RPS6KA2: variants seen among roughly 807,000 people sequenced by gnomAD.
RPS6KA2 encodes ribosomal protein S6 kinase A2, also known as ribosomal protein S6 kinase alpha-2.
In RPS6KA2, 42 loss-of-function variants were observed where a neutral mutation model predicts 91.8. The ratio of observed to expected loss-of-function variants is 0.46; its 90% CI spans 0.36 to 0.59. The LOEUF (loss-of-function observed/expected upper bound fraction) is 0.59. Among genes scored for constraint, RPS6KA2 ranks in the 20% least tolerant of loss-of-function variants. The probability of loss-of-function intolerance (pLI) is 0.00; values close to 1 mark genes in which losing one functional copy is unlikely to be tolerated. For synonymous variants in RPS6KA2, 414 were observed against 393.6 expected (o/e 1.05, Z -0.61); for missense variants, 798 against 978.5 (o/e 0.82, Z 2.46).
At chr6:166,798,307 T>TACAGCTGGCCTCAAA (rs1351337030) in intron 2 of RPS6KA2, among the ~76,000 whole-genome samples, 3 of 152,200 alleles carry the variant, frequency 2.0e-5, no homozygotes, top group Non-Finnish European at 4.4e-5. Context: ...AGGGATGAGT[T>TACAGCTGGCCTCAAA]ACAGCTGGCC....
intron 2 of RPS6KA2, among the ~76,000 whole-genome samples, chr6:166,768,091 T>G (rs1292558091): frequency 6.6e-6 from 1 of 152,164 alleles, no homozygotes; most frequent in Non-Finnish European, 1.5e-5. Context: ...GATGGATCAA[T>G]GCAGCTCTAT....
rs59703753 is a variant in RPS6KA2, at chr6:166,854,329, T to G, written c.123+3871A>C. Among the ~76,000 whole-genome samples, 815 of 152,348 alleles carry G rather than the reference T, an allele frequency of 5.3e-3. 2 individuals are homozygous for G. The highest frequency in any genetic ancestry group is 0.015 in the African/African-American group (636 of 41,580). On this transcript the variant is annotated intron_variant, in intron 2 of 21. Transcript: ENST00000503859. Reference sequence around the variant, plus strand: ...CAGAACCGTAACGTGAGGAATCACATGCCTAGATATCCTATGTGAGCTATC... The same window carrying G: ...CAGAACCGTAACGTGAGGAATCACAGGCCTAGATATCCTATGTGAGCTATC...
intron 2 of RPS6KA2, among the ~76,000 whole-genome samples, chr6:166,817,310 A>C (rs1254987965): frequency 1.3e-5 from 2 of 152,144 alleles, no homozygotes; most frequent in African/African-American, 4.8e-5. Context: ...TTAGTCTGGC[A>C]ATTATGTGTA....
At chr6:166,510,127 T>C (rs1185385578) in intron 4 of RPS6KA2, 150 bp downstream of exon 4, 1 of 459,074 alleles carries the variant, frequency 2.2e-6, no homozygotes, top group Non-Finnish European at 3.9e-6. Context: ...GTGATCAGGA[T>C]AGAAGGCACC....
chr6:166,545,555 G>A (rs975429662), intron 1 of RPS6KA2, among the ~76,000 whole-genome samples: 1 of 152,152 alleles, frequency 6.6e-6, no homozygotes, highest in South Asian at 2.1e-4. Flanking sequence ...AACCAGCCTT[G>A]GCATTTCTCT....
At position 166,767,821 on chromosome 6, in the gene RPS6KA2, G is replaced by C. The variant is rs537853989; in HGVS notation, c.123+90379C>G. Among the ~76,000 whole-genome samples, 1 of 150,304 alleles carries C rather than the reference G, an allele frequency of 6.7e-6. No homozygotes were observed. Among genetic ancestry groups the C allele is most frequent in the Admixed American group, 6.6e-5 (1 of 15,088 alleles). ...CACACACACACACACACACACCCTGGTGTCAGGCAGCCGGCCACCACAGAG... is the reference window on the plus strand; with the variant it reads ...CACACACACACACACACACACCCTGCTGTCAGGCAGCCGGCCACCACAGAG... On this transcript the variant is annotated intron_variant, in intron 2 of 21. Transcript: ENST00000503859. The surrounding 1 kb of genome is among the most constrained non-coding windows in gnomAD (Gnocchi z 4.6).
intron 2 of RPS6KA2, among the ~76,000 whole-genome samples, chr6:166,795,591 AG>A (rs1779203172): frequency 6.6e-6 from 1 of 152,202 alleles, no homozygotes; most frequent in African/African-American, 2.4e-5. Flanking sequence ...TGTAAAGGGC[AG>A]GTAATCATCG....
chr6:166,576,065 A>G (rs914563387), intron 1 of RPS6KA2, among the ~76,000 whole-genome samples: 1 of 152,062 alleles, frequency 6.6e-6, no homozygotes, highest in African/African-American at 2.4e-5. Context: ...AGGAGATGTG[A>G]TGGGTTTATC....
chr6:166,729,535 T>G (rs1252989295), intron 2 of RPS6KA2, among the ~76,000 whole-genome samples: 2 of 152,110 alleles, frequency 1.3e-5, no homozygotes, highest in African/African-American at 2.4e-5. Flanking sequence ...AGAGATGGAA[T>G]TTTGCCATGT....
At chr6:166,527,413 C>T (rs186854009) in intron 3 of RPS6KA2, among the ~76,000 whole-genome samples, 2 of 152,292 alleles carry the variant, frequency 1.3e-5, no homozygotes, top group East Asian at 3.9e-4. Flanking sequence ...GAGAGCTTCC[C>T]GCATCCACTT....
chr6:166,718,702 G>A (rs1228084361), intron 2 of RPS6KA2, among the ~76,000 whole-genome samples: 2 of 152,114 alleles, frequency 1.3e-5, no homozygotes, highest in Non-Finnish European at 2.9e-5. Flanking sequence ...AATCTCACCC[G>A]CTGGTGTAAG....
chr6:166,850,073 G>A (rs771934711), intron 2 of RPS6KA2, among the ~76,000 whole-genome samples: 3 of 152,152 alleles, frequency 2.0e-5, no homozygotes, highest in Non-Finnish European at 4.4e-5. Flanking sequence ...TTGGCAAGTG[G>A]GATGTTTGGG....
intron 2 of RPS6KA2, chr6:166,702,926 T>C: frequency 1.5e-6 from 1 of 648,000 alleles, no homozygotes; most frequent in South Asian, 1.9e-5. Context: ...GCTGGTTTTG[T>C]TCCCCTCGTC....
At chr6:166,438,414 C>T (rs1055492616) in intron 14 of RPS6KA2, among the ~76,000 whole-genome samples, 3 of 152,234 alleles carry the variant, frequency 2.0e-5, no homozygotes, top group Non-Finnish European at 2.9e-5. Flanking sequence ...GTGGTCACGC[C>T]GCGTCACTAC....
At chr6:166,719,481 A>G (rs1171826965) in intron 2 of RPS6KA2, among the ~76,000 whole-genome samples, 1 of 152,228 alleles carries the variant, frequency 6.6e-6, no homozygotes. Flanking sequence ...TTGTTTGGAA[A>G]GACAAGTAAC....
At chr6:166,747,320 A>C (rs1382178541) in intron 2 of RPS6KA2, among the ~76,000 whole-genome samples, 1 of 152,216 alleles carries the variant, frequency 6.6e-6, no homozygotes, top group African/African-American at 2.4e-5. Flanking sequence ...GGGTTCAGGA[A>C]ATGGGAAGAA....
At chr6:166,735,908 G>A (rs1000747692) in intron 2 of RPS6KA2, among the ~76,000 whole-genome samples, 4 of 152,208 alleles carry the variant, frequency 2.6e-5, no homozygotes, top group Admixed American at 6.5e-5. Context: ...GAAAAGCTTC[G>A]TAAGAAAGAG....
chr6:166,499,807 C>G (rs113691410), intron 7 of RPS6KA2, among the ~76,000 whole-genome samples: 1,568 of 124,204 alleles, frequency 0.013, 27 homozygotes, highest in African/African-American at 0.048. Context: ...CAGGGACTTT[C>G]AGAACAGACT....
chr6:166,514,836 A>G (rs1488185499), intron 3 of RPS6KA2, among the ~76,000 whole-genome samples: 1 of 152,184 alleles, frequency 6.6e-6, no homozygotes, highest in African/African-American at 2.4e-5. Flanking sequence ...AGGGAGCTGC[A>G]TCATCCTAGC....
Sources: allele counts gnomAD v4.1 joint callset (sites outside exome capture counted in the v4.1 genomes callset), GRCh38; gene constraint gnomAD v4.1.1; non-coding constraint Gnocchi (gnomAD v3.1); transcripts MANE v1.5; gene names NCBI Gene and HGNC (gene_info 2026-07-23, HGNC 2026-07-21).